SUPT16H: variants seen among roughly 807,000 people sequenced by gnomAD.
The protein encoded by SUPT16H is SPT16 homolog, facilitates chromatin remodeling subunit.
SUPT16H carries 24 observed loss-of-function variants against 136.2 expected under a neutral mutation model. The ratio of observed to expected loss-of-function variants is 0.18; its 90% CI spans 0.13 to 0.25. SUPT16H has a LOEUF of 0.25. Among genes scored for constraint, SUPT16H ranks in the 10% least tolerant of loss-of-function variants. The pLI, the probability that SUPT16H is intolerant of heterozygous loss-of-function variation, is 1.00. For missense variants in SUPT16H, 623 were observed against 1,270.2 expected (o/e 0.49, Z 7.74); for synonymous variants, 415 against 428.2 (o/e 0.97, Z 0.38).
In SUPT16H at chr14:21,373,333, C is replaced by G. The variant is rs1886828514; in HGVS notation, c.159+5G>C. The G allele has an allele frequency of 6.2e-7, 1 of 1,609,626 alleles. No homozygotes were observed. The highest frequency in any genetic ancestry group is 8.5e-7 in the Non-Finnish European group (1 of 1,175,892). ...AAGAGCTAAAAATTGCTGTAAATCT[C>G]TCACCTGTAAGGCAGTTGATTTGGC... On this transcript the variant is annotated splice_donor_5th_base_variant and intron_variant, in intron 2 of 25. Transcript: ENST00000216297.
chr14:21,363,654 C>T (rs1195353952), intron 10 of SUPT16H, 151 bp from the exon 11 acceptor site: 5 of 686,100 alleles, frequency 7.3e-6, no homozygotes, highest in African/African-American at 7.3e-5. Flanking sequence ...AACCTCTAAC[C>T]TCTCGTCAGG....
rs756902968 is a variant in SUPT16H at position 21,369,302 on chromosome 14, T to C, written c.684A>G (p.Lys228=). 5.6e-6 allele frequency: 9 copies of C among 1,614,208 alleles called. No homozygotes were observed. The highest frequency in any genetic ancestry group is 1.3e-5 in the African/African-American group (1 of 75,058). The change falls in exon 6 of 26, where the codon AAA becomes AAG. Residue 228 remains lysine (K), a synonymous_variant. Coordinates refer to ENST00000216297, the MANE Select transcript of SUPT16H (RefSeq NM_007192.4). ...AESVEKAIEE[K]KYLAGADPST... is the part of the protein sequence containing the mutation. ...AAGGGTCTGCCCCAGCAAGGTATTT[T>C]TTCTCTTCAATGGCCTTTTCCACAG...
intron 21 of SUPT16H, 88 bp from the exon 22 acceptor site, chr14:21,357,454 C>G: frequency 1.5e-6 from 2 of 1,311,160 alleles, no homozygotes; most frequent in Non-Finnish European, 2.0e-6. Flanking sequence ...TAAATCACTA[C>G]ATAAAAGATA....
intron 7 of SUPT16H, among the ~76,000 whole-genome samples, chr14:21,367,518 C>A (rs1886697585): frequency 6.6e-6 from 1 of 152,126 alleles, no homozygotes; most frequent in Admixed American, 6.5e-5. Context: ...ATTAAACTAT[C>A]TATGGCTATG....
intron 25 of SUPT16H, 113 bp downstream of exon 25, chr14:21,353,375 A>G: frequency 9.5e-7 from 1 of 1,052,228 alleles, no homozygotes; most frequent in South Asian, 1.5e-5. Context: ...GCACTTTTAT[A>G]GTGTTCTTTT....
rs181689316 is a variant in SUPT16H, at chr14:21,369,405, C to T, written c.631-50G>A. ...TAACACTTACTAGAGGGTAGCAAAG[C>T]GGGGTGTGTGGACACTATGATTTGA... On this transcript the variant is annotated intron_variant, in intron 5 of 25. Coordinates refer to ENST00000216297, the MANE Select transcript of SUPT16H (RefSeq NM_007192.4). 7.2e-5 allele frequency: 116 copies of T among 1,608,760 alleles called. No homozygotes were observed. The Middle Eastern group carries it at 3.3e-3, about 46-fold the overall frequency.
At chr14:21,374,817 T>C (rs907664950) in intron 1 of SUPT16H, among the ~76,000 whole-genome samples, 7 of 152,230 alleles carry the variant, frequency 4.6e-5, no homozygotes, top group African/African-American at 1.7e-4. Flanking sequence ...TTCTCTTGGG[T>C]ATACATATAC....
At chr14:21,369,478 A>C in intron 5 of SUPT16H, 123 bp from the exon 6 acceptor site, 1 of 1,323,358 alleles carries the variant, frequency 7.6e-7, no homozygotes. Flanking sequence ...TTTATGCGCC[A>C]GGTAATATAT....
intron 1 of SUPT16H, among the ~76,000 whole-genome samples, chr14:21,380,127 C>T (rs1886990554): frequency 6.6e-6 from 1 of 152,020 alleles, no homozygotes; most frequent in African/African-American, 2.4e-5. Flanking sequence ...TTTACATGCA[C>T]TTACACTATA....
Position 21,371,913 on chromosome 14 carries a change from A to G in SUPT16H, c.291T>C (p.Ala97=). Reference sequence around the variant, plus strand: ...GCAGTGTGATGGCAGGGGCTCCATTAGCATTCTCATTGCCCTTAGTGTTGG... The same window carrying G: ...GCAGTGTGATGGCAGGGGCTCCATTGGCATTCTCATTGCCCTTAGTGTTGG... ...QIANTKGNEN[A]NGAPAITLLI... Residue 97 remains alanine, a synonymous_variant, in exon 3 of 26, where the codon GCT becomes GCC. Coordinates refer to ENST00000216297, the MANE Select transcript of SUPT16H (RefSeq NM_007192.4). The G allele has an allele frequency of 5.0e-6, 8 of 1,614,134 alleles. No homozygotes were observed. Among genetic ancestry groups the G allele is most frequent in the Non-Finnish European group, 6.8e-6 (8 of 1,180,022 alleles).
At chr14:21,354,326 T>C in intron 23 of SUPT16H, 85 bp downstream of exon 23, 1 of 1,541,042 alleles carries the variant, frequency 6.5e-7, no homozygotes. Context: ...CCTAGTCCCT[T>C]ATGTACTACT....
chr14:21,366,496 A>G lies in SUPT16H; in HGVS notation c.989T>C (p.Met330Thr). ...TGGCTTCTGCTTTTTAACCACGTCCATGACAGCGTTATACACGTCACATAT... is the reference window on the plus strand; with the variant it reads ...TGGCTTCTGCTTTTTAACCACGTCCGTGACAGCGTTATACACGTCACATAT... The part of the protein sequence containing the change: ...VKICDVYNAV[M>T]DVVKKQKPEL... The change falls in exon 8 of 26, where the codon ATG becomes ACG. Residue 330 changes from methionine to threonine, a missense_variant. By Grantham distance (81) the Met-to-Thr change is moderately conservative. This residue lies in a region of SUPT16H where 343 missense variants were observed against 525.7 expected (regional missense o/e 0.65). Transcript: ENST00000216297. 5 of 1,614,148 alleles carry G rather than the reference A, an allele frequency of 3.1e-6. No individual in the cohort carries two copies. Among genetic ancestry groups the G allele is most frequent in the South Asian group, 2.2e-5 (2 of 91,074 alleles).
intron 1 of SUPT16H, among the ~76,000 whole-genome samples, chr14:21,380,512 C>T (rs928611610): frequency 6.6e-6 from 1 of 151,820 alleles, no homozygotes; most frequent in Non-Finnish European, 1.5e-5. Context: ...ACTAAGCCAC[C>T]ATAAAAATCT....
intron 25 of SUPT16H, 45 bp from the exon 26 acceptor site, chr14:21,352,863 G>A: frequency 6.2e-7 from 1 of 1,612,314 alleles, no homozygotes. Context: ...TAAGCTTTAG[G>A]TACCTAATAT....
chr14:21,369,178 A>G (rs765466724), intron 6 of SUPT16H, 26 bp downstream of exon 6: 7 of 1,591,796 alleles, frequency 4.4e-6, no homozygotes, highest in Non-Finnish European at 6.0e-6. Flanking sequence ...TCAAAATGCT[A>G]TATTATGAAG....
chr14:21,367,074 G>A (rs1399069836), intron 7 of SUPT16H, among the ~76,000 whole-genome samples: 2 of 152,110 alleles, frequency 1.3e-5, no homozygotes, highest in East Asian at 1.9e-4. Context: ...CCGAGTAGCT[G>A]AGACTACAGG....
In SUPT16H at chr14:21,370,868, C is replaced by T. The variant is rs548792392; in HGVS notation, c.331-380G>A. ...TACACTCACTGCAACCTCAGCCTCC[C>T]GGGTTCAAGTGATTCTCATGCCTCA... On this transcript the variant is annotated intron_variant, in intron 3 of 25. Coordinates refer to ENST00000216297, the MANE Select transcript of SUPT16H (RefSeq NM_007192.4). Among the ~76,000 whole-genome samples the T allele has an allele frequency of 4.5e-4, 68 of 152,054 alleles. No homozygotes were observed. In the East Asian group the frequency reaches 9.7e-3, roughly 22 times the overall value.
At chr14:21,353,671 A>C (rs1471766131) in intron 24 of SUPT16H, 32 bp downstream of exon 24, 1 of 1,607,022 alleles carries the variant, frequency 6.2e-7, no homozygotes, top group Non-Finnish European at 8.5e-7. Flanking sequence ...TAGATTAGGA[A>C]GCCAGGACGA....
In SUPT16H at chr14:21,363,322, C is replaced by T; in HGVS notation, c.1306G>A (p.Asp436Asn). Residue 436 changes from aspartate to asparagine, a missense_variant, in exon 12 of 26, where the codon GAT becomes AAT. Asp to Asn is a conservative substitution (Grantham distance 23). Around this residue, in one of 7 missense-constraint regions of SUPT16H, gnomAD observed 343 missense variants for 525.7 expected, o/e 0.65. Coordinates refer to ENST00000216297, the MANE Select transcript of SUPT16H (RefSeq NM_007192.4). ...KNVGIFLKNEDEEEEEEEKDE... is the reference protein window; with the variant it reads ...KNVGIFLKNENEEEEEEEKDE... ...TTCTCCTCCTCCTCTTCTTCCTCAT[C>T]TTCATTCTATGGAAAAAGTCATAAT... is the stretch of plus-strand genomic sequence containing the variant. The T allele has an allele frequency of 6.2e-7, 1 of 1,607,574 alleles. No individual in the cohort carries two copies. The highest frequency in any genetic ancestry group is 8.5e-7 in the Non-Finnish European group (1 of 1,176,066).
Sources: gnomAD v4.1 joint callset for allele counts (sites outside exome capture counted in the v4.1 genomes callset) on GRCh38, gnomAD v4.1.1 for gene constraint, gnomAD v4.1.1 regional missense constraint, MANE v1.5 for transcripts, NCBI Gene and HGNC (gene_info 2026-07-23, HGNC 2026-07-21) for gene names.